DGKB: variants seen among roughly 807,000 people sequenced by gnomAD.
The protein encoded by DGKB is diacylglycerol kinase beta.
Under a neutral mutation model 114.3 loss-of-function variants are expected in DGKB, and 67 were observed. That is an observed-to-expected ratio of 0.59 (90% confidence interval 0.48 to 0.72). DGKB has a LOEUF of 0.72. DGKB is among the 30% of genes least tolerant of loss of function. The pLI is 0.00. For missense variants in DGKB, 907 were observed against 975.2 expected, an observed-to-expected ratio of 0.93 and a Z score of 0.93; for synonymous variants, 398 against 323.1, an observed-to-expected ratio of 1.23 and a Z score of -2.49.
chr7:14,803,161 T>C (rs1842391917), intron 2 of DGKB, among the ~76,000 whole-genome samples: 1 of 152,022 alleles, frequency 6.6e-6, no homozygotes, highest in African/African-American at 2.4e-5. Flanking sequence ...AGGCTGGTCT[T>C]GAACTCCTGG....
intron 6 of DGKB, among the ~76,000 whole-genome samples, chr7:14,705,639 G>C (rs1364977924): frequency 6.6e-6 from 1 of 150,672 alleles, no homozygotes; most frequent in African/African-American, 2.4e-5. Context: ...CCACAAGCCA[G>C]AAGAGAGTGG....
At chr7:14,971,703 T>A (rs1787478791) in intron 1 of DGKB, among the ~76,000 whole-genome samples, 1 of 152,066 alleles carries the variant, frequency 6.6e-6, no homozygotes, top group African/African-American at 2.4e-5. Flanking sequence ...CTTTTATTTT[T>A]ATTTTTTTCA....
rs115046113 is a variant in DGKB, at chr7:14,899,847, T to A, written c.-188+2745A>T. On this transcript the variant is annotated intron_variant, in intron 1 of 25. Transcript: ENST00000402815. ...TGCTCAACCCCACCCTGATCCATAG[T>A]AGAGTACCATTTTAATTTTTTTTAA... Among the ~76,000 whole-genome samples the A allele has an allele frequency of 3.9e-3, 587 of 152,246 alleles. 2 individuals carry two copies. Among genetic ancestry groups the A allele is most frequent in the African/African-American group, 0.013 (557 of 41,564 alleles).
chr7:14,759,776 T>C (rs572882373), intron 2 of DGKB, among the ~76,000 whole-genome samples: 4 of 152,172 alleles, frequency 2.6e-5, no homozygotes, highest in South Asian at 4.1e-4. Context: ...ATATACCTGA[T>C]AGTAAAATTG....
intron 21 of DGKB, among the ~76,000 whole-genome samples, chr7:14,385,794 C>T (rs368826533): frequency 6.6e-6 from 1 of 152,152 alleles, no homozygotes; most frequent in Non-Finnish European, 1.5e-5. Context: ...TAAGATCTAG[C>T]AGTAGGTCTA....
intron 13 of DGKB, among the ~76,000 whole-genome samples, chr7:14,653,422 G>A (rs1455802695): frequency 2.6e-5 from 4 of 151,656 alleles, no homozygotes; most frequent in South Asian, 2.1e-4. Context: ...ACCAAACACC[G>A]CATATTCTCA....
At chr7:14,940,572 TGATC>T (rs1785520514) in intron 1 of DGKB, among the ~76,000 whole-genome samples, 2 of 152,132 alleles carry the variant, frequency 1.3e-5, no homozygotes, top group African/African-American at 4.8e-5. Flanking sequence ...AAACAACTGG[TGATC>T]CAGTTTTGGC....
At chr7:14,172,146 A>G (rs1781094065) in intron 25 of DGKB, among the ~76,000 whole-genome samples, 1 of 152,192 alleles carries the variant, frequency 6.6e-6, no homozygotes, top group South Asian at 2.1e-4. Context: ...AAGAGGAAAA[A>G]TTTGTTTGGA....
At chr7:14,252,611 G>C (rs995410824) in intron 23 of DGKB, among the ~76,000 whole-genome samples, 10 of 152,158 alleles carry the variant, frequency 6.6e-5, no homozygotes, top group Non-Finnish European at 1.3e-4. Flanking sequence ...GGCTCAACCA[G>C]GCGCCAGGCT....
intron 5 of DGKB, among the ~76,000 whole-genome samples, chr7:14,725,575 T>C (rs1829900705): frequency 6.6e-6 from 1 of 151,802 alleles, no homozygotes; most frequent in African/African-American, 2.4e-5. Flanking sequence ...TTTTTTGAGA[T>C]AGGGTCTCAC....
intron 1 of DGKB, among the ~76,000 whole-genome samples, chr7:14,954,858 C>G (rs566175922): frequency 2.6e-5 from 4 of 152,088 alleles, no homozygotes; most frequent in Admixed American, 2.6e-4. Context: ...GGTTCAAGTT[C>G]AAATTTGAGA....
chr7:14,772,068 T>G (rs1285113367), intron 2 of DGKB, among the ~76,000 whole-genome samples: 1 of 152,134 alleles, frequency 6.6e-6, no homozygotes, highest in African/African-American at 2.4e-5. Flanking sequence ...CTTTGAGCTG[T>G]CCCGCCTTTC....
intron 1 of DGKB, among the ~76,000 whole-genome samples, chr7:14,931,651 G>C (rs1051079749): frequency 2.0e-5 from 3 of 152,240 alleles, no homozygotes; most frequent in Middle Eastern, 3.4e-3. Context: ...AGTGGAACTT[G>C]CATTCCTCTT....
In DGKB at chr7:14,294,417, C is replaced by T. The variant is rs1802217649; in HGVS notation, c.2122+44098G>A. On this transcript the variant is annotated intron_variant, in intron 23 of 25. Coordinates refer to ENST00000402815, the MANE Select transcript of DGKB (RefSeq NM_001350709.2). ...GAGTCAAAGATGACTATCCACTATC[C>T]CTAACTTCACCAAGCATGGAGACCC... Among the ~76,000 whole-genome samples the T allele has an allele frequency of 2.0e-5, 3 of 152,088 alleles. No homozygotes were observed. In the South Asian group the frequency reaches 6.2e-4, roughly 32 times the overall value.
At chr7:14,941,544 T>C (rs1324156053) in intron 1 of DGKB, among the ~76,000 whole-genome samples, 1 of 152,126 alleles carries the variant, frequency 6.6e-6, no homozygotes, top group Non-Finnish European at 1.5e-5. Flanking sequence ...GCATAATTTG[T>C]AAACATATAT....
At chr7:14,739,867 G>C (rs1832300902) in intron 4 of DGKB, among the ~76,000 whole-genome samples, 1 of 152,178 alleles carries the variant, frequency 6.6e-6, no homozygotes, top group Non-Finnish European at 1.5e-5. Context: ...AATATCAGGA[G>C]TGTTCCACCC....
At chr7:14,589,137 G>T (rs1437177512) in intron 17 of DGKB, among the ~76,000 whole-genome samples, 1 of 151,728 alleles carries the variant, frequency 6.6e-6, no homozygotes, top group Non-Finnish European at 1.5e-5. Context: ...TCGTTGTTTT[G>T]TGGTTTTTGT....
intron 20 of DGKB, among the ~76,000 whole-genome samples, chr7:14,494,178 C>T (rs1784979595): frequency 6.6e-6 from 1 of 151,904 alleles, no homozygotes; most frequent in Admixed American, 6.6e-5. Context: ...CAGGAAAGTA[C>T]ATAATCAAAA....
chr7:14,790,714 G>A (rs574870116), intron 2 of DGKB, among the ~76,000 whole-genome samples: 1 of 152,092 alleles, frequency 6.6e-6, no homozygotes, highest in Non-Finnish European at 1.5e-5. Flanking sequence ...CTTGTATATA[G>A]TAAGGTCTTA....
Sources: allele counts gnomAD v4.1 joint callset (sites outside exome capture counted in the v4.1 genomes callset), GRCh38; gene constraint gnomAD v4.1.1; transcripts MANE v1.5; gene names NCBI Gene and HGNC (gene_info 2026-07-23, HGNC 2026-07-21).